The following MLLT10 variants were observed in gnomAD, a reference collection of about 807,000 sequenced individuals.
MLLT10 encodes the protein protein AF-10.
In MLLT10, 30 loss-of-function variants were observed where a neutral mutation model predicts 129.1. The observed-to-expected ratio is 0.23, with a 90% CI of 0.17 to 0.32. The LOEUF is 0.32. MLLT10 is among the 10% of genes least tolerant of loss of function. The probability of loss-of-function intolerance (pLI) is 1.00; values close to 1 mark genes in which losing one functional copy is unlikely to be tolerated. For missense variants in MLLT10, 1,119 were observed against 1,268.3 expected (o/e 0.88, Z 1.79); for synonymous variants, 490 against 446.4 (o/e 1.10, Z -1.23).
chr10:21,642,770 C>T (rs114384855), intron 8 of MLLT10, among the ~76,000 whole-genome samples: 2,834 of 152,192 alleles, frequency 0.019, 84 homozygotes, highest in African/African-American at 0.064. Flanking sequence ...CTCTTAATTA[C>T]CTTGGACTCA....
At chr10:21,680,256 GCTGTAGTGCGATGGTGCAATCTCGGCT>G (rs2052599462) in intron 11 of MLLT10, among the ~76,000 whole-genome samples, 1 of 151,540 alleles carries the variant, frequency 6.6e-6, no homozygotes, top group South Asian at 2.1e-4. Flanking sequence ...TGTCGCCCAG[GCTGTAGTGCGATGGTGCAATCTCGGCT>G]CACTGAAACC....
intron 13 of MLLT10, among the ~76,000 whole-genome samples, chr10:21,706,899 C>T (rs534087158): frequency 6.6e-6 from 1 of 152,218 alleles, no homozygotes; most frequent in East Asian, 1.9e-4. Context: ...GAAGTCACTG[C>T]CATCTCTTTC....
chr10:21,630,519 T>C (rs1307901191), intron 8 of MLLT10, among the ~76,000 whole-genome samples: 1 of 152,192 alleles, frequency 6.6e-6, no homozygotes, highest in Non-Finnish European at 1.5e-5. Context: ...CAAGGTTGTT[T>C]ATGTTGTTTA....
At chr10:21,648,039 AATT>A (rs2048667759) in intron 8 of MLLT10, among the ~76,000 whole-genome samples, 1 of 152,076 alleles carries the variant, frequency 6.6e-6, no homozygotes, top group Admixed American at 6.5e-5. Context: ...TTTTCCCCTA[AATT>A]ATTAACCAGT....
At position 21,735,184 on chromosome 10, in the gene MLLT10, T is replaced by G. The variant is rs2058261696; in HGVS notation, c.2904T>G (p.Leu968=). 1 of 1,614,040 alleles carries G rather than the reference T, an allele frequency of 6.2e-7. No individual in the cohort carries two copies. Among genetic ancestry groups the G allele is most frequent in the South Asian group, 1.1e-5 (1 of 91,074 alleles). ...GLLSDQQRQI[L]IHQQQFQQLL... is the part of the protein sequence containing the mutation. ...TTTCTGACCAGCAACGACAAATACT[T>G]ATTCATCAACAGCAGTTTCAGCAGT... Residue 968 remains leucine (L), a synonymous_variant, in exon 21 of 23, where the codon CTT becomes CTG. Transcript: ENST00000307729.
intron 3 of MLLT10, among the ~76,000 whole-genome samples, chr10:21,572,288 G>C (rs2040284655): frequency 6.6e-6 from 1 of 152,112 alleles, no homozygotes; most frequent in South Asian, 2.1e-4. Context: ...TGATAATTTT[G>C]TAACTTTATA....
intron 9 of MLLT10, among the ~76,000 whole-genome samples, chr10:21,666,233 T>A (rs1004726994): frequency 1.3e-5 from 2 of 152,174 alleles, no homozygotes; most frequent in Non-Finnish European, 2.9e-5. Context: ...CTAGTTTACA[T>A]AAAGTATAAG....
intron 11 of MLLT10, among the ~76,000 whole-genome samples, chr10:21,678,897 C>G (rs1165679642): frequency 6.6e-6 from 1 of 152,156 alleles, no homozygotes; most frequent in Non-Finnish European, 1.5e-5. Context: ...GTTGTTATTT[C>G]TCCTTTACAA....
At chr10:21,565,083 T>C (rs1301550850) in intron 3 of MLLT10, among the ~76,000 whole-genome samples, 1 of 152,206 alleles carries the variant, frequency 6.6e-6, no homozygotes, top group African/African-American at 2.4e-5. Flanking sequence ...AGGAATGTTA[T>C]GTCCTCTTGG....
At chr10:21,619,306 A>C (rs2045578292) in intron 8 of MLLT10, among the ~76,000 whole-genome samples, 1 of 152,208 alleles carries the variant, frequency 6.6e-6, no homozygotes, top group Non-Finnish European at 1.5e-5. Context: ...TAAATTGTGA[A>C]GAGGGAAGCC....
At chr10:21,704,611 CTT>C (rs35043348) in intron 13 of MLLT10, among the ~76,000 whole-genome samples, 4 of 128,210 alleles carry the variant, frequency 3.1e-5, no homozygotes, top group African/African-American at 8.9e-5. Context: ...CTCTCTCTCG[CTT>C]TTTTTTTTTT....
Position 21,727,902 on chromosome 10 carries a change from C to G in MLLT10, c.2037C>G (p.Ser679Arg), listed in dbSNP as rs958392178. Reference protein sequence around the residue: ...DNSRNLVGRGSSPRGSLSPRS... With the variant: ...DNSRNLVGRGRSPRGSLSPRS... Reference sequence around the variant, plus strand: ...GCCGCAACCTAGTTGGCAGAGGAAGCTCACCCCGAGGAAGTCTCTCGCCAC... The same window carrying G: ...GCCGCAACCTAGTTGGCAGAGGAAGGTCACCCCGAGGAAGTCTCTCGCCAC... Residue 679 changes from serine (S) to arginine (R), a missense_variant, in exon 16 of 23, where the codon AGC becomes AGG. Ser to Arg is a moderately radical substitution (Grantham distance 110). Coordinates refer to ENST00000307729, the MANE Select transcript of MLLT10 (RefSeq NM_001195626.3). The G allele has an allele frequency of 3.7e-6, 6 of 1,613,908 alleles. No individual in the cohort carries two copies. Among genetic ancestry groups the G allele is most frequent in the Non-Finnish European group, 5.1e-6 (6 of 1,179,938 alleles).
At chr10:21,678,570 T>C (rs1281175214) in intron 11 of MLLT10, among the ~76,000 whole-genome samples, 2 of 152,168 alleles carry the variant, frequency 1.3e-5, no homozygotes, top group Non-Finnish European at 2.9e-5. Context: ...AAAAGCCTAA[T>C]AAGAACAGGA....
At chr10:21,622,540 A>G (rs1215130305) in intron 8 of MLLT10, among the ~76,000 whole-genome samples, 3 of 152,312 alleles carry the variant, frequency 2.0e-5, no homozygotes, top group South Asian at 2.1e-4. Flanking sequence ...TTTAAAATCA[A>G]TTAAAGCTGT....
chr10:21,624,699 G>C, intron 8 of MLLT10: 3 of 1,376,850 alleles, frequency 2.2e-6, no homozygotes, highest in Non-Finnish European at 3.1e-6. Context: ...TGAGCGATGG[G>C]TTGAGAGACC....
chr10:21,546,146 C>T (rs771750367), intron 3 of MLLT10, among the ~76,000 whole-genome samples: 3 of 151,826 alleles, frequency 2.0e-5, no homozygotes, highest in Admixed American at 6.6e-5. Flanking sequence ...GGTGTGATCT[C>T]GGCTCACTGC....
At chr10:21,631,629 A>AAAT (rs2047023182) in intron 8 of MLLT10, among the ~76,000 whole-genome samples, 2 of 152,136 alleles carry the variant, frequency 1.3e-5, no homozygotes, top group African/African-American at 2.4e-5. Context: ...GGCGACGAGG[A>AAAT]AATAAACACA....
intron 9 of MLLT10, among the ~76,000 whole-genome samples, chr10:21,657,082 G>A (rs2049664946): frequency 6.6e-6 from 1 of 152,102 alleles, no homozygotes; most frequent in Admixed American, 6.6e-5. Flanking sequence ...TGGTAGAAGA[G>A]GATATTGCCA....
At chr10:21,739,201 A>G (rs1374149685) in intron 21 of MLLT10, among the ~76,000 whole-genome samples, 1 of 152,042 alleles carries the variant, frequency 6.6e-6, no homozygotes, top group Non-Finnish European at 1.5e-5. Context: ...ATGCCTTGCC[A>G]CTGCAAGCTC....
Sources: gnomAD v4.1 joint callset for allele counts (sites outside exome capture counted in the v4.1 genomes callset) on GRCh38, gnomAD v4.1.1 for gene constraint, MANE v1.5 for transcripts, NCBI Gene and HGNC (gene_info 2026-07-23, HGNC 2026-07-21) for gene names.